The following GDAP1L1 variants were observed in gnomAD, a reference collection of about 807,000 sequenced individuals.
The protein encoded by GDAP1L1 is ganglioside-induced differentiation-associated protein 1-like 1.
In GDAP1L1, 21 loss-of-function variants were observed where a neutral mutation model predicts 37.1. The ratio of observed to expected loss-of-function variants is 0.57; its 90% confidence interval spans 0.40 to 0.81. The LOEUF is 0.81. Among genes scored for constraint, GDAP1L1 ranks in the 40% least tolerant of loss-of-function variants. The pLI is 0.00. For synonymous variants in GDAP1L1, 193 were observed against 209.1 expected, an observed-to-expected ratio of 0.92 and a Z score of 0.67; for missense variants, 362 against 491.6, an observed-to-expected ratio of 0.74 and a Z score of 2.49.
chr20:44,272,844 C>G (rs986483607), intron 5 of GDAP1L1, among the ~76,000 whole-genome samples: 4 of 152,232 alleles, frequency 2.6e-5, no homozygotes, highest in African/African-American at 9.6e-5. Context: ...GTGTGGTAAT[C>G]CCACACCACG....
chr20:44,262,234 A>C (rs2073686379), intron 3 of GDAP1L1, among the ~76,000 whole-genome samples: 1 of 152,090 alleles, frequency 6.6e-6, no homozygotes, highest in Non-Finnish European at 1.5e-5. Context: ...AGGGTGGGTG[A>C]AACCATCTAG....
chr20:44,261,015 C>A (rs1276860062), intron 3 of GDAP1L1, among the ~76,000 whole-genome samples: 1 of 152,222 alleles, frequency 6.6e-6, no homozygotes, highest in Non-Finnish European at 1.5e-5. Flanking sequence ...TAGGGGCACT[C>A]TCCCTCAATC....
intron 5 of GDAP1L1, among the ~76,000 whole-genome samples, chr20:44,274,664 T>G (rs1192905455): frequency 1.3e-5 from 2 of 152,160 alleles, no homozygotes; most frequent in African/African-American, 4.8e-5. Context: ...CGGCTCCTTC[T>G]TATCATCTTT....
chr20:44,258,526 G>T lies in GDAP1L1; in HGVS notation c.466G>T (p.Ala156Ser), dbSNP rs2073608950. ...GCTGCTGGACGCACTGCCCATGGAT[G>T]CCTACACGCATGGCTGCATCCTGCA... ...RELLDALPMD[A>S]YTHGCILHPE... is the part of the protein sequence containing the mutation. Residue 156 changes from alanine (A) to serine (S), a missense_variant, in exon 3 of 6, where the codon GCC (alanine) becomes TCC (serine). This residue lies in a region of GDAP1L1 where 277 missense variants were observed against 337.1 expected (regional missense o/e 0.82). Transcript: ENST00000342560. 1.3e-6 allele frequency: 2 copies of T among 1,579,456 alleles called. No individual in the cohort carries two copies. The highest frequency in any genetic ancestry group is 1.7e-6 in the Non-Finnish European group (2 of 1,163,280).
Position 44,264,572 on chromosome 20 carries a change from C to A in GDAP1L1, c.760+13C>A. ...CTGGAGAACGAGGGTGGGTGCCAGC[C>A]CTGGGGGAGGTGGGGGCTGCAGCCC... On this transcript the variant is annotated intron_variant, in intron 5 of 5. Transcript: ENST00000342560. 1.2e-6 allele frequency: 2 copies of A among 1,609,322 alleles called. No individual in the cohort carries two copies. Among genetic ancestry groups the A allele is most frequent in the Non-Finnish European group, 1.7e-6 (2 of 1,177,466 alleles).
intron 5 of GDAP1L1, among the ~76,000 whole-genome samples, chr20:44,265,993 TA>T (rs755894191): frequency 6.6e-6 from 1 of 151,530 alleles, no homozygotes; most frequent in Non-Finnish European, 1.5e-5. Context: ...ACTAAGTGAG[TA>T]AAAAAAATAA....
At chr20:44,251,953 G>A (rs1026555154) in intron 1 of GDAP1L1, among the ~76,000 whole-genome samples, 3 of 152,162 alleles carry the variant, frequency 2.0e-5, no homozygotes, top group Non-Finnish European at 4.4e-5. Context: ...CAACTGTCAT[G>A]TTGGAGTCGT....
chr20:44,254,708 C>G lies in GDAP1L1; in HGVS notation c.181-2445C>G, dbSNP rs191787781. 1.5e-3 allele frequency among the ~76,000 whole-genome samples: 225 copies of G among 152,286 alleles called. 2 individuals are homozygous for G. Among genetic ancestry groups the G allele is most frequent in the African/African-American group, 5.2e-3 (217 of 41,550 alleles). The stretch of plus-strand genomic sequence containing the variant: ...TCCTAGCCCAGGGTCTCTACCTGCA[C>G]CATGCGCCCCACCTATAGGACCTGC... On this transcript the variant is annotated intron_variant, in intron 1 of 5. Transcript: ENST00000342560.
At chr20:44,278,650 G>A (rs904071921) in intron 5 of GDAP1L1, among the ~76,000 whole-genome samples, 10 of 152,004 alleles carry the variant, frequency 6.6e-5, no homozygotes, top group Non-Finnish European at 1.5e-5. Context: ...CAAAGTGCTG[G>A]GATTACAGGT....
Position 44,273,843 on chromosome 20 carries a change from G to A in GDAP1L1, c.761-5114G>A, listed in dbSNP as rs62205988. Among the ~76,000 whole-genome samples, 1,125 of 152,086 alleles carry A rather than the reference G, an allele frequency of 7.4e-3. 16 individuals are homozygous for A. Among genetic ancestry groups the A allele is most frequent in the East Asian group, 0.052 (268 of 5,168 alleles). On this transcript the variant is annotated intron_variant, in intron 5 of 5. Coordinates refer to ENST00000342560, the MANE Select transcript of GDAP1L1 (RefSeq NM_024034.6). Reference sequence around the variant, plus strand: ...ACTTTAGGTTAGTGCAAAAATAATTGTGGTTTTGGCCATTAAAAGTAATGG... The same window carrying A: ...ACTTTAGGTTAGTGCAAAAATAATTATGGTTTTGGCCATTAAAAGTAATGG...
intron 3 of GDAP1L1, among the ~76,000 whole-genome samples, chr20:44,259,050 G>T (rs1182338942): frequency 6.6e-6 from 1 of 151,986 alleles, no homozygotes; most frequent in Non-Finnish European, 1.5e-5. Flanking sequence ...GACAGTCAGG[G>T]CTGTGCTTCG....
chr20:44,277,190 A>G (rs1037470513), intron 5 of GDAP1L1, among the ~76,000 whole-genome samples: 2 of 152,002 alleles, frequency 1.3e-5, no homozygotes, highest in African/African-American at 4.8e-5. Context: ...ATGCCTGGCT[A>G]ATTTTTGTAT....
chr20:44,249,843 T>G (rs1224494011), intron 1 of GDAP1L1, among the ~76,000 whole-genome samples: 1 of 152,228 alleles, frequency 6.6e-6, no homozygotes, highest in Non-Finnish European at 1.5e-5. Context: ...CATATAGTCC[T>G]GGGTTCTATT....
At chr20:44,271,443 G>C (rs1334779453) in intron 5 of GDAP1L1, among the ~76,000 whole-genome samples, 1 of 152,154 alleles carries the variant, frequency 6.6e-6, no homozygotes, top group Non-Finnish European at 1.5e-5. Context: ...GGGAGCTTGA[G>C]CAAGCCAGGA....
At chr20:44,257,094 C>A in intron 1 of GDAP1L1, 59 bp from the exon 2 acceptor site, 1 of 1,486,330 alleles carries the variant, frequency 6.7e-7, no homozygotes, top group Non-Finnish European at 9.0e-7. Flanking sequence ...CCCGCCCCAC[C>A]TGGGCAGAGT....
chr20:44,265,534 A>G (rs929583260), intron 5 of GDAP1L1: 1 of 957,990 alleles, frequency 1.0e-6, no homozygotes, highest in Non-Finnish European at 1.2e-6. Context: ...GAGTAAGAAA[A>G]ACTTGAAATA....
chr20:44,248,039 C>T (rs1452708922), intron 1 of GDAP1L1, among the ~76,000 whole-genome samples: 1 of 152,162 alleles, frequency 6.6e-6, no homozygotes. Context: ...CTTGGAGGGT[C>T]TGTCCCCAGT....
chr20:44,253,063 G>T (rs1017874521), intron 1 of GDAP1L1, among the ~76,000 whole-genome samples: 3 of 152,168 alleles, frequency 2.0e-5, no homozygotes, highest in African/African-American at 7.2e-5. Flanking sequence ...CGAGAGGCCT[G>T]CCCTAATAGA....
At chr20:44,264,310 G>C (rs1191966719) in intron 4 of GDAP1L1, 135 bp from the exon 5 acceptor site, 13 of 1,229,132 alleles carry the variant, frequency 1.1e-5, no homozygotes, top group Non-Finnish European at 1.3e-5. Flanking sequence ...TTCATAACGG[G>C]GGGGCATCCT....
Sources: gnomAD v4.1 joint callset for allele counts (sites outside exome capture counted in the v4.1 genomes callset) on GRCh38, gnomAD v4.1.1 for gene constraint, gnomAD v4.1.1 regional missense constraint, MANE v1.5 for transcripts, NCBI Gene and HGNC (gene_info 2026-07-23, HGNC 2026-07-21) for gene names.